Variants in SPDL1 observed in about 807,000 individuals in gnomAD.
SPDL1 encodes the protein protein Spindly.
A neutral mutation model predicts 79.5 loss-of-function variants in SPDL1; 85 were observed. The ratio of observed to expected loss-of-function variants is 1.07; its 90% CI spans 0.90 to 1.28. The LOEUF is 1.28. Among genes scored for constraint, SPDL1 ranks in the 50% most tolerant of loss-of-function variants. SPDL1 has a pLI of 0.00. For synonymous variants in SPDL1, 269 were observed against 240.3 expected (o/e 1.12, Z -1.10); for missense variants, 703 against 697.8 (o/e 1.01, Z -0.08).
chr5:169,599,123 A>G lies in SPDL1; in HGVS notation c.1288A>G (p.Lys430Glu), dbSNP rs771684078. 2 of 1,573,562 alleles carry G rather than the reference A, an allele frequency of 1.3e-6. No homozygotes were observed. The highest frequency in any genetic ancestry group is 2.7e-5 in the African/African-American group (2 of 73,680). ...AAGTGAAAATATGAAACTGAGAGCT[A>G]AACTAGATGAATTGAAACTAAAATA... ...SESENMKLRA[K>E]LDELKLKYEP... The change falls in exon 10 of 12, where the codon AAA becomes GAA. Residue 430 changes from lysine to glutamate, a missense_variant. Lys to Glu is a moderately conservative substitution (Grantham distance 56). Transcript: ENST00000265295.
chr5:169,587,213 A>T (rs979178944), intron 1 of SPDL1: 1 of 151,782 alleles, frequency 6.6e-6, no homozygotes, highest in African/African-American at 2.4e-5. Context: ...ATGAGGGAGG[A>T]GCTTTTTTTT....
chr5:169,585,916 C>G (rs997881780), intron 1 of SPDL1: 2 of 152,200 alleles, frequency 1.3e-5, no homozygotes, highest in Admixed American at 6.5e-5. Flanking sequence ...CTATTAAAAC[C>G]AGTCTCTACA....
Position 169,591,239 on chromosome 5 carries a change from G to C in SPDL1, c.336+15G>C. On this transcript the variant is annotated intron_variant, in intron 3 of 11. Coordinates refer to ENST00000265295, the MANE Select transcript of SPDL1 (RefSeq NM_017785.5). ...TAAAAACTAAGGTTGGGATATCTGC[G>C]TATTTCAGCACAAAATATTCCATAT... is the stretch of plus-strand genomic sequence containing the variant. The C allele has an allele frequency of 6.2e-7, 1 of 1,605,588 alleles. No individual in the cohort carries two copies. Among genetic ancestry groups the C allele is most frequent in the Non-Finnish European group, 8.5e-7 (1 of 1,175,674 alleles).
chr5:169,588,425 A>G lies in SPDL1; in HGVS notation c.9A>G (p.Ala3=), dbSNP rs1455836508. The part of the protein sequence containing the change: ME[A]DIITNLRCRL... ...AAAAAAAAGAAAAGAACATGGAGGC[A>G]GATATAATCACAAATCTTCGATGCA... Residue 3 remains alanine (A), a synonymous_variant, in exon 2 of 12, where the codon GCA becomes GCG. Coordinates refer to ENST00000265295, the MANE Select transcript of SPDL1 (RefSeq NM_017785.5). 1 of 1,608,216 alleles carries G rather than the reference A, an allele frequency of 6.2e-7. No homozygotes were observed. Among genetic ancestry groups the G allele is most frequent in the Non-Finnish European group, 8.5e-7 (1 of 1,178,272 alleles).
In SPDL1 at chr5:169,593,530, A is replaced by G; in HGVS notation, c.513A>G (p.Thr171=). 1 of 1,609,036 alleles carries G rather than the reference A, an allele frequency of 6.2e-7. No individual in the cohort carries two copies. The highest frequency in any genetic ancestry group is 2.2e-5 in the East Asian group (1 of 44,788). ...TGCTGGCTCTTCAAATTGAGCTGACAGAAATGGAGAGTATGAAGGTAATTT... is the reference window on the plus strand; with the variant it reads ...TGCTGGCTCTTCAAATTGAGCTGACGGAAATGGAGAGTATGAAGGTAATTT... ...SEMLALQIEL[T]EMESMKTTLK... is the part of the protein sequence containing the mutation. The change falls in exon 4 of 12, where the codon ACA becomes ACG. Residue 171 remains threonine, a synonymous_variant. Transcript: ENST00000265295.
rs771109869 is a variant in SPDL1, at chr5:169,596,662, A to T, written c.993A>T (p.Lys331Asn). The change falls in exon 8 of 12, where the codon AAA (lysine) becomes AAT (asparagine). Residue 331 changes from lysine (K) to asparagine (N), a missense_variant. Transcript: ENST00000265295. ...TGGAGCAGAAGAATGGTGAAATAAA[A>T]CATCTTTTAGGTGAAATTAGAAATC... ...AMLEQKNGEI[K>N]HLLGEIRNLE... The T allele has an allele frequency of 1.2e-6, 2 of 1,603,004 alleles. No individual in the cohort carries two copies. Among genetic ancestry groups the T allele is most frequent in the Non-Finnish European group, 1.7e-6 (2 of 1,177,036 alleles).
chr5:169,596,675 G>T lies in SPDL1; in HGVS notation c.1006G>T (p.Glu336Ter). 6.3e-7 allele frequency: 1 copy of T among 1,596,770 alleles called. No homozygotes were observed. Among genetic ancestry groups the T allele is most frequent in the Non-Finnish European group, 8.5e-7 (1 of 1,175,418 alleles). ...TGGTGAAATAAAACATCTTTTAGGT[G>T]AAATTAGAAATCTGGAGAAATTTAA... Reference protein sequence around the residue: ...KNGEIKHLLGEIRNLEKFKNL... With the variant: ...KNGEIKHLLG Residue 336 changes from glutamate (E) to a stop codon, truncating the protein, a stop_gained, in exon 8 of 12, where the codon GAA (glutamate) becomes TAA (stop). Transcript: ENST00000265295. LOFTEE classifies it high-confidence loss of function.
chr5:169,594,822 C>A (rs1236762557), intron 7 of SPDL1, 141 bp downstream of exon 7: 1 of 531,874 alleles, frequency 1.9e-6, no homozygotes. Context: ...TTCAAAAAAT[C>A]AATTTTGAAA....
chr5:169,603,932 A>G lies in SPDL1; in HGVS notation c.1671-128A>G, dbSNP rs763440297. 9.3e-5 allele frequency: 87 copies of G among 934,798 alleles called. 1 individual carries two copies. The highest frequency in any genetic ancestry group is 1.3e-4 in the Non-Finnish European group (81 of 621,326). 57.9% of individuals were successfully genotyped at this position (934,798 alleles called of 1,614,324 possible). A position where few individuals can be genotyped will look rare whatever the true frequency, so the allele number is the denominator to read the frequency against. On this transcript the variant is annotated intron_variant, in intron 11 of 11. Coordinates refer to ENST00000265295, the MANE Select transcript of SPDL1 (RefSeq NM_017785.5). Reference sequence around the variant, plus strand: ...GCCAGTGACTTAATATTCTTACAGTATTAGAGTCAACTATATTTTTTTTCC... The same window carrying G: ...GCCAGTGACTTAATATTCTTACAGTGTTAGAGTCAACTATATTTTTTTTCC...
chr5:169,591,385 A>T (rs947360351), intron 3 of SPDL1, among the ~76,000 whole-genome samples, 161 bp downstream of exon 3: 1 of 152,204 alleles, frequency 6.6e-6, no homozygotes, highest in African/African-American at 2.4e-5. Context: ...GAGATACAAG[A>T]GTTTGTCTAA....
intron 2 of SPDL1, 165 bp downstream of exon 2, chr5:169,588,740 G>A (rs1755118511): frequency 3.8e-6 from 2 of 526,124 alleles, no homozygotes; most frequent in African/African-American, 4.0e-5. Context: ...ATGAATTCCT[G>A]TTATTCTTTC....
Position 169,589,361 on chromosome 5 carries a change from C to G in SPDL1, c.159+786C>G, listed in dbSNP as rs139445182. ...TCTAAGTGGTCGTGGAATAACACAC[C>G]AAAGGTCATGCCACAGCCCTGCTAA... On this transcript the variant is annotated intron_variant, in intron 2 of 11. Transcript: ENST00000265295. Among the ~76,000 whole-genome samples, 113 of 152,218 alleles carry G rather than the reference C, an allele frequency of 7.4e-4. 1 individual carries two copies. The highest frequency in any genetic ancestry group is 2.6e-3 in the African/African-American group (109 of 41,538).
At chr5:169,590,715 G>A (rs1392964655) in intron 2 of SPDL1, 1 of 462,984 alleles carries the variant, frequency 2.2e-6, no homozygotes, top group African/African-American at 2.0e-5. Context: ...TTCTCATGAG[G>A]AAAGCTTAAG....
In SPDL1 at chr5:169,594,464, A is replaced by G. The variant is rs879255411; in HGVS notation, c.752A>G (p.Asn251Ser). The G allele has an allele frequency of 6.2e-6, 10 of 1,614,114 alleles. No homozygotes were observed. The highest frequency in any genetic ancestry group is 8.5e-6 in the Non-Finnish European group (10 of 1,179,946). The change falls in exon 6 of 12, where the codon AAT (asparagine) becomes AGT (serine). Residue 251 changes from asparagine (N) to serine (S), a missense_variant. Coordinates refer to ENST00000265295, the MANE Select transcript of SPDL1 (RefSeq NM_017785.5). ...DQALQQALDP[N>S]SKGNSLFAEV... The stretch of plus-strand genomic sequence containing the variant: ...GCACTCCAGCAAGCCTTGGATCCCA[A>G]TAGTAAAGGCAACTCTTTGTTTGCA...
chr5:169,596,837 C>T (rs1185309629), intron 8 of SPDL1, 136 bp downstream of exon 8: 2 of 673,216 alleles, frequency 3.0e-6, no homozygotes, highest in Non-Finnish European at 4.7e-6. Flanking sequence ...GGCTGTTTCT[C>T]CTTATACTTA....
At position 169,599,054 on chromosome 5, in the gene SPDL1, G is replaced by T; in HGVS notation, c.1219G>T (p.Glu407Ter). The change falls in exon 10 of 12, where the codon GAG becomes TAG. Residue 407 changes from glutamate to a stop codon, truncating the protein, a stop_gained. Transcript: ENST00000265295. LOFTEE classifies it high-confidence loss of function. ...TGAGAGCCAGCGGGCTCTAGATATTGAGCGAAAACTTTTTGCAAATGAAAG... is the reference window on the plus strand; with the variant it reads ...TGAGAGCCAGCGGGCTCTAGATATTTAGCGAAAACTTTTTGCAAATGAAAG... Reference protein sequence around the residue: ...LFESQRALDIERKLFANERCL... With the variant: ...LFESQRALDI The T allele has an allele frequency of 6.2e-7, 1 of 1,602,786 alleles. No homozygotes were observed. Among genetic ancestry groups the T allele is most frequent in the South Asian group, 1.1e-5 (1 of 90,116 alleles).
intron 2 of SPDL1, 107 bp from the exon 3 acceptor site, chr5:169,590,941 A>G (rs1218394371): frequency 1.0e-5 from 10 of 983,972 alleles, no homozygotes; most frequent in Non-Finnish European, 1.6e-5. Flanking sequence ...TTTGGAAAGC[A>G]GCAAATGCTT....
chr5:169,594,776 A>G, intron 7 of SPDL1, 95 bp downstream of exon 7: 1 of 748,494 alleles, frequency 1.3e-6, no homozygotes, highest in Non-Finnish European at 2.2e-6. Context: ...TTCTGCAAGG[A>G]GTGTACTTAT....
chr5:169,584,421 G>A (rs1236545325), intron 1 of SPDL1, among the ~76,000 whole-genome samples: 1 of 152,108 alleles, frequency 6.6e-6, no homozygotes, highest in Non-Finnish European at 1.5e-5. Context: ...GGACAGCACT[G>A]CCCCAGCCGT....
Sources: allele counts gnomAD v4.1 joint callset (sites outside exome capture counted in the v4.1 genomes callset), GRCh38; gene constraint gnomAD v4.1.1; transcripts MANE v1.5; gene names NCBI Gene and HGNC (gene_info 2026-07-23, HGNC 2026-07-21).